DNMT3A: variants seen among roughly 807,000 people sequenced by gnomAD.
DNMT3A encodes the protein DNA (cytosine-5)-methyltransferase 3A.
A neutral mutation model predicts 117.6 loss-of-function variants in DNMT3A; 267 were observed. The ratio of observed to expected loss-of-function variants is 2.27; its 90% CI spans 2.05 to 2.51. DNMT3A has a LOEUF of 2.51. Ranked by LOEUF, DNMT3A falls within the 30% of genes most tolerant of loss-of-function variation. The pLI, the probability that DNMT3A is intolerant of heterozygous loss-of-function variation, is 0.00. For missense variants in DNMT3A, 1,029 were observed against 1,260.2 expected, an observed-to-expected ratio of 0.82 and a Z score of 2.78; for synonymous variants, 432 against 474.8, an observed-to-expected ratio of 0.91 and a Z score of 1.17.
Position 25,247,349 on chromosome 2 carries a change from G to T in DNMT3A, c.1015-191C>A. On this transcript the variant is annotated intron_variant, in intron 8 of 22. Coordinates refer to ENST00000321117, the MANE Select transcript of DNMT3A (RefSeq NM_022552.5). This position sits in a 1 kb window ranked among gnomAD's most constrained non-coding sequence, Gnocchi z 5.6. ...AGAGTAGGGAAGTACCTGAGTGCAG[G>T]TGGAAAGGAATTCTAGTGAATAGGT... 1 of 783,240 alleles carries T rather than the reference G, an allele frequency of 1.3e-6. No individual in the cohort carries two copies. The highest frequency in any genetic ancestry group is 2.0e-6 in the Non-Finnish European group (1 of 496,846). 48.5% of individuals were successfully genotyped at this position (783,240 alleles called of 1,614,324 possible).
chr2:25,316,411 GA>G (rs1423525285), intron 1 of DNMT3A, among the ~76,000 whole-genome samples: 1 of 152,266 alleles, frequency 6.6e-6, no homozygotes, highest in African/African-American at 2.4e-5. Context: ...TGTCCTCACA[GA>G]AAATGCAGCT....
intron 6 of DNMT3A, chr2:25,249,623 T>C (rs1558676483): frequency 6.2e-7 from 1 of 1,613,850 alleles, no homozygotes; most frequent in Non-Finnish European, 8.5e-7. Context: ...CAAACCCCAG[T>C]TATTCTCCCA....
At chr2:25,250,466 C>A (rs1427801241) in intron 6 of DNMT3A, among the ~76,000 whole-genome samples, 1 of 152,178 alleles carries the variant, frequency 6.6e-6, no homozygotes, top group Admixed American at 6.5e-5. Flanking sequence ...GATCGGACTG[C>A]GGGGGTGGAA....
chr2:25,261,636 A>T (rs977012380), intron 6 of DNMT3A, among the ~76,000 whole-genome samples: 1 of 151,888 alleles, frequency 6.6e-6, no homozygotes, highest in Non-Finnish European at 1.5e-5. Context: ...AAATAAATAA[A>T]ATAAATAGAA....
intron 6 of DNMT3A, among the ~76,000 whole-genome samples, chr2:25,256,437 C>T (rs1269770116): frequency 6.6e-6 from 1 of 152,222 alleles, no homozygotes; most frequent in Non-Finnish European, 1.5e-5. Flanking sequence ...GTGACCTCCA[C>T]CATGAAAGTT....
Position 25,247,463 on chromosome 2 carries a change from A to G in DNMT3A, c.1014+128T>C. ...CCCTACAGCTTCTTCCACCCACCAC[A>G]GGCAGAGTAGGGGTGAGCAGAACCC... On this transcript the variant is annotated intron_variant, in intron 8 of 22. Coordinates refer to ENST00000321117, the MANE Select transcript of DNMT3A (RefSeq NM_022552.5). The surrounding 1 kb of genome is among the most constrained non-coding windows in gnomAD (Gnocchi z 5.6). 1 of 1,389,980 alleles carries G rather than the reference A, an allele frequency of 7.2e-7. No homozygotes were observed. Among genetic ancestry groups the G allele is most frequent in the Non-Finnish European group, 9.8e-7 (1 of 1,022,288 alleles). 86.1% of individuals were successfully genotyped at this position (1,389,980 alleles called of 1,614,324 possible). A position where few individuals can be genotyped will look rare whatever the true frequency, so the allele number is the denominator to read the frequency against.
Position 25,237,271 on chromosome 2 carries a change from T to A in DNMT3A, c.2409-266A>T, listed in dbSNP as rs1673476347. Among the ~76,000 whole-genome samples the A allele has an allele frequency of 6.6e-6, 1 of 152,136 alleles. No homozygotes were observed. The highest frequency in any genetic ancestry group is 2.4e-5 in the African/African-American group (1 of 41,414). Reference sequence around the variant, plus strand: ...TGGTCTCAAATTGTGAACAGGCAGATAACACCTAGCAGAAAAAGAAAAAAA... The same window carrying A: ...TGGTCTCAAATTGTGAACAGGCAGAAAACACCTAGCAGAAAAAGAAAAAAA... On this transcript the variant is annotated intron_variant, in intron 20 of 22. Transcript: ENST00000321117. The surrounding 1 kb of genome is among the most constrained non-coding windows in gnomAD (Gnocchi z 5.4).
At position 25,282,094 on chromosome 2, in the gene DNMT3A, C is replaced by T. The variant is rs557994332; in HGVS notation, c.448+347G>A. On this transcript the variant is annotated intron_variant, in intron 4 of 22. Transcript: ENST00000321117. This position sits in a 1 kb window ranked among gnomAD's most constrained non-coding sequence, Gnocchi z 5.2. ...CAGCCACAGAAGGCGATGGAGGGAC[C>T]GCCATTATCCCAGTCTAGCAATCGT... is the stretch of plus-strand genomic sequence containing the variant. 3.1e-4 allele frequency: 350 copies of T among 1,122,930 alleles called. 1 individual carries two copies. Among genetic ancestry groups the T allele is most frequent in the Admixed American group, 2.0e-3 (49 of 24,482 alleles). 69.6% of individuals were successfully genotyped at this position (1,122,930 alleles called of 1,614,324 possible).
At chr2:25,277,983 G>C (rs1326181493) in intron 4 of DNMT3A, among the ~76,000 whole-genome samples, 2 of 147,806 alleles carry the variant, frequency 1.4e-5, no homozygotes, top group Non-Finnish European at 3.0e-5. Context: ...CAGACTCTGC[G>C]CATGCCCACT....
At position 25,282,323 on chromosome 2, in the gene DNMT3A, C is replaced by A; in HGVS notation, c.448+118G>T. ...GCCTCCAGGCCATAGCCTTGGCAAG[C>A]AGACCTTTAGCCACGACCCAGACCA... On this transcript the variant is annotated intron_variant, in intron 4 of 22. Coordinates refer to ENST00000321117, the MANE Select transcript of DNMT3A (RefSeq NM_022552.5). This position sits in a 1 kb window ranked among gnomAD's most constrained non-coding sequence, Gnocchi z 5.2. 6.7e-7 allele frequency: 1 copy of A among 1,498,966 alleles called. No homozygotes were observed. The highest frequency in any genetic ancestry group is 1.3e-5 in the South Asian group (1 of 78,264). 92.9% of individuals were successfully genotyped at this position (1,498,966 alleles called of 1,614,324 possible).
chr2:25,328,905 T>C (rs2034900460), intron 1 of DNMT3A, among the ~76,000 whole-genome samples: 1 of 152,150 alleles, frequency 6.6e-6, no homozygotes, highest in Non-Finnish European at 1.5e-5. Context: ...TCAGGGGGGC[T>C]GAGTCCTTGT....
At chr2:25,256,704 C>T (rs954814665) in intron 6 of DNMT3A, among the ~76,000 whole-genome samples, 4 of 152,156 alleles carry the variant, frequency 2.6e-5, no homozygotes, top group African/African-American at 9.7e-5. Context: ...CCCTTCTGTC[C>T]CTTATCTTTC....
At chr2:25,289,174 C>T (rs2032560354) in intron 3 of DNMT3A, among the ~76,000 whole-genome samples, 1 of 151,528 alleles carries the variant, frequency 6.6e-6, no homozygotes, top group Admixed American at 6.6e-5. Context: ...GCGATCTCGG[C>T]TCACTGCAAC....
At chr2:25,310,808 G>C (rs1262269556) in intron 2 of DNMT3A, among the ~76,000 whole-genome samples, 1 of 152,318 alleles carries the variant, frequency 6.6e-6, no homozygotes, top group East Asian at 1.9e-4. Context: ...AGTATCCCCT[G>C]GAGGGATGGT....
chr2:25,341,966 T>TCGCTCCCTCCCTCCGCTCGCTGTCG (rs1353589357), upstream of DNMT3A: 1 of 950,382 alleles, frequency 1.1e-6, no homozygotes, highest in African/African-American at 2.1e-5. Flanking sequence ...CCTCGCTCGC[T>TCGCTCCCTCCCTCCGCTCGCTGTCG]CGCTCCCTCC....
intron 3 of DNMT3A, among the ~76,000 whole-genome samples, chr2:25,289,401 A>G (rs902841806): frequency 2.6e-5 from 4 of 152,098 alleles, no homozygotes; most frequent in African/African-American, 9.7e-5. Context: ...CACCCGGCCA[A>G]TCTTATTTAA....
chr2:25,294,764 C>A lies in DNMT3A; in HGVS notation c.177+5375G>T, dbSNP rs947297417. Among the ~76,000 whole-genome samples, 6 of 152,206 alleles carry A rather than the reference C, an allele frequency of 3.9e-5. No individual in the cohort carries two copies. In the South Asian group the frequency reaches 1.0e-3, roughly 26 times the overall value. On this transcript the variant is annotated intron_variant, in intron 3 of 22. Coordinates refer to ENST00000321117, the MANE Select transcript of DNMT3A (RefSeq NM_022552.5). The surrounding 1 kb of genome is among the most constrained non-coding windows in gnomAD (Gnocchi z 4.7). ...CTTCCCCATTTAGGTTACCCCAAGT[C>A]ATCTGCTCTGAAGTGGGGCAGTTTG...
intron 3 of DNMT3A, among the ~76,000 whole-genome samples, chr2:25,292,688 C>T (rs1305236907): frequency 1.3e-5 from 2 of 152,142 alleles, no homozygotes; most frequent in African/African-American, 4.8e-5. Context: ...CTCTTGGCAG[C>T]CTTGCCTTCC....
intron 1 of DNMT3A, among the ~76,000 whole-genome samples, chr2:25,321,987 A>T (rs1276815965): frequency 6.6e-6 from 1 of 152,252 alleles, no homozygotes; most frequent in Non-Finnish European, 1.5e-5. Flanking sequence ...ATGTAAGAGG[A>T]TCTACTAAAT....
Sources: gnomAD v4.1 joint callset for allele counts (sites outside exome capture counted in the v4.1 genomes callset) on GRCh38, gnomAD v4.1.1 for gene constraint, Gnocchi (gnomAD v3.1) non-coding constraint, MANE v1.5 for transcripts, NCBI Gene and HGNC (gene_info 2026-07-23, HGNC 2026-07-21) for gene names.